Variants in CRPPA observed in about 807,000 individuals in gnomAD.
The protein encoded by CRPPA is CDP-L-ribitol pyrophosphorylase A.
A neutral mutation model predicts 52.0 loss-of-function variants in CRPPA; 43 were observed. That is an observed-to-expected ratio of 0.83 (90% confidence interval 0.65 to 1.07). The LOEUF is 1.07. Ranked by LOEUF, CRPPA falls within the 50% of genes least tolerant of loss-of-function variation. The probability of loss-of-function intolerance (pLI) is 0.00; values close to 1 mark genes in which losing one functional copy is unlikely to be tolerated. For synonymous variants in CRPPA, 250 were observed against 203.5 expected (o/e 1.23, Z -1.94); for missense variants, 629 against 551.7 (o/e 1.14, Z -1.40).
chr7:16,090,155 C>T lies in CRPPA; in HGVS notation c.*1540G>A, dbSNP rs1035812777. 5.9e-5 allele frequency: 9 copies of T among 152,094 alleles called. No individual in the cohort carries two copies. Among genetic ancestry groups the T allele is most frequent in the Non-Finnish European group, 7.4e-5 (5 of 68,006 alleles). The allele number at this position is 152,094 out of a possible 1,614,324, so 9.4% of individuals were successfully genotyped here. Reference sequence around the variant, plus strand: ...AATGGATTTTAAATTTCTTAATATTCCTAGAGAGAGAAAAAGGGCAGGCCC... The same window carrying T: ...AATGGATTTTAAATTTCTTAATATTTCTAGAGAGAGAAAAAGGGCAGGCCC... On this transcript the variant is annotated 3_prime_UTR_variant, in exon 10 of 10. Coordinates refer to ENST00000407010, the MANE Select transcript of CRPPA (RefSeq NM_001101426.4).
intron 2 of CRPPA, among the ~76,000 whole-genome samples, chr7:16,395,072 A>T (rs967504506): frequency 6.6e-6 from 1 of 152,192 alleles, no homozygotes; most frequent in African/African-American, 2.4e-5. Context: ...TGCAAGGCAC[A>T]TCTCCCTGAG....
intron 9 of CRPPA, among the ~76,000 whole-genome samples, chr7:16,215,663 A>T (rs1454202988): frequency 1.3e-5 from 2 of 152,234 alleles, no homozygotes; most frequent in Non-Finnish European, 2.9e-5. Context: ...ACCAGTGGAC[A>T]AGGAATCTGG....
chr7:16,278,466 T>C (rs921042093), intron 5 of CRPPA, among the ~76,000 whole-genome samples: 8 of 152,156 alleles, frequency 5.3e-5, no homozygotes, highest in Admixed American at 2.6e-4. Context: ...ATTGTGCAAC[T>C]AACAGAAATA....
chr7:16,204,813 A>T (rs1781933698), intron 9 of CRPPA, among the ~76,000 whole-genome samples: 1 of 152,224 alleles, frequency 6.6e-6, no homozygotes. Flanking sequence ...AAGCCAAGGC[A>T]TCTGTAACAG....
chr7:16,331,274 C>T (rs1226409306), intron 3 of CRPPA, among the ~76,000 whole-genome samples: 1 of 152,202 alleles, frequency 6.6e-6, no homozygotes, highest in Admixed American at 6.5e-5. Flanking sequence ...GCTGGGATTA[C>T]AGGCGTGAGC....
intron 9 of CRPPA, among the ~76,000 whole-genome samples, chr7:16,184,593 C>A (rs113856873): frequency 0.014 from 2,075 of 152,238 alleles, 24 homozygotes; most frequent in Non-Finnish European, 0.021. Flanking sequence ...TTCTCAATGG[C>A]AGAGACACCC....
At chr7:16,374,305 T>G (rs1438637760) in intron 3 of CRPPA, among the ~76,000 whole-genome samples, 3 of 152,144 alleles carry the variant, frequency 2.0e-5, no homozygotes, top group Non-Finnish European at 4.4e-5. Flanking sequence ...CCCTCTGCCC[T>G]TGGACATCAG....
chr7:16,145,362 T>A (rs185453895), intron 9 of CRPPA, among the ~76,000 whole-genome samples: 14 of 152,300 alleles, frequency 9.2e-5, no homozygotes, highest in Admixed American at 7.8e-4. Context: ...AGAAGGCCTG[T>A]ACCTGCTGAA....
At chr7:16,311,178 A>G (rs889856138) in intron 3 of CRPPA, among the ~76,000 whole-genome samples, 5 of 152,120 alleles carry the variant, frequency 3.3e-5, no homozygotes, top group African/African-American at 1.2e-4. Flanking sequence ...CTACATTGAC[A>G]CATCATTATC....
chr7:16,236,948 G>GTGCACA lies in CRPPA; in HGVS notation c.1120-20752_1120-20751insTGTGCA, dbSNP rs1554295991. ...GTAAGCTTTAAGAGCTTTCGTGCGCGCGCACACACACACACACACACACAA... is the reference window on the plus strand; with the variant it reads ...GTAAGCTTTAAGAGCTTTCGTGCGCGTGCACACGCACACACACACACACACACACAA... On this transcript the variant is annotated intron_variant, in intron 8 of 9. Coordinates refer to ENST00000407010, the MANE Select transcript of CRPPA (RefSeq NM_001101426.4). Among the ~76,000 whole-genome samples the GTGCACA allele has an allele frequency of 4.3e-5, 6 of 141,020 alleles. No individual in the cohort carries two copies. In the South Asian group the frequency reaches 1.3e-3, roughly 32 times the overall value. The allele number at this position is 141,020 out of a possible 152,430, so 92.5% of individuals were successfully genotyped here. A position where few individuals can be genotyped will look rare whatever the true frequency, so the allele number is the denominator to read the frequency against.
At chr7:16,380,350 A>T (rs1562666120) in intron 2 of CRPPA, among the ~76,000 whole-genome samples, 4 of 151,978 alleles carry the variant, frequency 2.6e-5, no homozygotes, top group Non-Finnish European at 5.9e-5. Context: ...CCACTTGATC[A>T]TGGTGGATAA....
intron 1 of CRPPA, among the ~76,000 whole-genome samples, chr7:16,409,442 G>C (rs945572430): frequency 1.3e-5 from 2 of 152,194 alleles, no homozygotes; most frequent in Non-Finnish European, 2.9e-5. Flanking sequence ...ATTCAGCAAA[G>C]AGAGAAAGGA....
intron 8 of CRPPA, among the ~76,000 whole-genome samples, chr7:16,258,175 A>T (rs1287909091): frequency 6.6e-6 from 1 of 152,134 alleles, no homozygotes; most frequent in East Asian, 1.9e-4. Flanking sequence ...GTTGAAAAAG[A>T]TTTCCAAACC....
intron 9 of CRPPA, among the ~76,000 whole-genome samples, chr7:16,119,439 A>C (rs1782440791): frequency 6.6e-6 from 1 of 152,212 alleles, no homozygotes; most frequent in Non-Finnish European, 1.5e-5. Flanking sequence ...AAATAAAAAA[A>C]CAAACAAAAA....
At chr7:16,360,148 A>G (rs1786405766) in intron 3 of CRPPA, among the ~76,000 whole-genome samples, 1 of 152,218 alleles carries the variant, frequency 6.6e-6, no homozygotes, top group Non-Finnish European at 1.5e-5. Context: ...AACTAGGATA[A>G]AAGTATTTTT....
chr7:16,280,097 TG>T (rs1292591551), intron 5 of CRPPA, among the ~76,000 whole-genome samples: 3 of 152,174 alleles, frequency 2.0e-5, no homozygotes, highest in African/African-American at 7.2e-5. Flanking sequence ...GGGAAAGACC[TG>T]CCCCCATGAT....
chr7:16,335,656 A>G (rs6949613), intron 3 of CRPPA, among the ~76,000 whole-genome samples: 138,618 of 152,084 alleles, frequency 0.91, 63,342 homozygotes, highest in Non-Finnish European at 0.95. Context: ...AAGCAAACTA[A>G]TCTTTGCATA....
chr7:16,417,160 G>A (rs763168656), intron 1 of CRPPA, among the ~76,000 whole-genome samples: 4 of 152,136 alleles, frequency 2.6e-5, no homozygotes, highest in Non-Finnish European at 5.9e-5. Context: ...TAGCAAGGCT[G>A]CAGAGAAAAG....
rs528276276 is a variant in CRPPA at position 16,221,408 on chromosome 7, C to G, written c.1120-5211G>C. Among the ~76,000 whole-genome samples, 27 of 152,282 alleles carry G rather than the reference C, an allele frequency of 1.8e-4. 1 individual carries two copies. In the South Asian group the frequency reaches 3.3e-3, roughly 19 times the overall value. On this transcript the variant is annotated intron_variant, in intron 8 of 9. Coordinates refer to ENST00000407010, the MANE Select transcript of CRPPA (RefSeq NM_001101426.4). Reference sequence around the variant, plus strand: ...GGGCAAGGACTTCATGTCCAAAACACCAACAGCAATGGCAACAAAAGCCAA... The same window carrying G: ...GGGCAAGGACTTCATGTCCAAAACAGCAACAGCAATGGCAACAAAAGCCAA...
Sources: gnomAD v4.1 joint callset for allele counts (sites outside exome capture counted in the v4.1 genomes callset) on GRCh38, gnomAD v4.1.1 for gene constraint, MANE v1.5 for transcripts, NCBI Gene and HGNC (gene_info 2026-07-23, HGNC 2026-07-21) for gene names.